Variants in LRRC56 observed in about 807,000 individuals in gnomAD.
LRRC56 encodes leucine rich repeat containing 56.
A neutral mutation model predicts 47.8 loss-of-function variants in LRRC56; 41 were observed. The observed-to-expected ratio is 0.86, with a 90% confidence interval of 0.67 to 1.11. LRRC56 has a LOEUF of 1.11. LRRC56 is among the 50% of genes most tolerant of loss of function. LRRC56 has a pLI of 0.00. For synonymous variants in LRRC56, 387 were observed against 311.2 expected (o/e 1.24, Z -2.56); for missense variants, 759 against 704.2 (o/e 1.08, Z -0.88).
At chr11:544,927 T>G in intron 6 of LRRC56, 147 bp downstream of exon 6, 12 of 804,914 alleles carry the variant, frequency 1.5e-5, no homozygotes, top group East Asian at 5.4e-5. Context: ...TCCATCCTGC[T>G]GGCTGCCTGA....
At chr11:511,341 A>C in the LRRC56 span, among the ~76,000 whole-genome samples, 1 of 150,486 alleles carries the variant, frequency 6.6e-6, no homozygotes, top group Non-Finnish European at 1.5e-5. Flanking sequence ...AAAAAAAGAA[A>C]TGGGAAAACA....
chr11:525,433 G>A, the LRRC56 span, among the ~76,000 whole-genome samples: 6 of 152,082 alleles, frequency 3.9e-5, no homozygotes, highest in Non-Finnish European at 8.8e-5. Flanking sequence ...CAGCTACTCG[G>A]GAGGCTGAGG....
At position 554,188 on chromosome 11, in the gene LRRC56, G is replaced by A; in HGVS notation, c.1541G>A (p.Gly514Glu). Residue 514 changes from glycine to glutamate, a missense_variant, in exon 14 of 14, where the codon GGA becomes GAA. Gly to Glu is a moderately conservative substitution (Grantham distance 98). Transcript: ENST00000270115. ...VASRLSPRAQ[G>E]CPGPKPAPDA... ...TCACGCCTGAGCCCTCGAGCCCAGG[G>A]ATGTCCTGGCCCAAAGCCAGCACCA... The A allele has an allele frequency of 6.4e-7, 1 of 1,567,584 alleles. No individual in the cohort carries two copies. Among genetic ancestry groups the A allele is most frequent in the East Asian group, 2.3e-5 (1 of 44,136 alleles).
In LRRC56 at chr11:552,188, C is replaced by T. The variant is rs1388181610; in HGVS notation, c.1137C>T (p.Phe379=). 6.2e-7 allele frequency: 1 copy of T among 1,612,628 alleles called. No individual in the cohort carries two copies. Among genetic ancestry groups the T allele is most frequent in the South Asian group, 1.1e-5 (1 of 91,084 alleles). The stretch of plus-strand genomic sequence containing the variant: ...CTGACCCTGCAGACAGCTCTGACTT[C>T]CTGGCCTTGGCTGGGCTCAGGGCCT... ...PEPDPADSSD[F]LALAGLRAWR... The change falls in exon 12 of 14, where the codon TTC becomes TTT. Residue 379 remains phenylalanine (F), a synonymous_variant. Coordinates refer to ENST00000270115, the MANE Select transcript of LRRC56 (RefSeq NM_198075.4).
the LRRC56 span, among the ~76,000 whole-genome samples, chr11:518,044 A>C: frequency 6.6e-6 from 1 of 152,092 alleles, no homozygotes; most frequent in Non-Finnish European, 1.5e-5. Context: ...GGCCGCAGGG[A>C]CCTCTGCCTA....
chr11:535,461 C>G (rs889495169), upstream of LRRC56: 1 of 147,204 alleles, frequency 6.8e-6, no homozygotes, highest in Non-Finnish European at 1.5e-5. Flanking sequence ...GGGGCCGAGG[C>G]CGGGGCGGGG....
intron 5 of LRRC56, among the ~76,000 whole-genome samples, chr11:542,642 C>T (rs952617856): frequency 1.3e-4 from 19 of 147,646 alleles, no homozygotes; most frequent in African/African-American, 4.7e-4. Context: ...CCTTCTCTTT[C>T]GCCGTGTTCA....
the LRRC56 span, chr11:532,511 C>G: frequency 7.5e-7 from 1 of 1,339,932 alleles, no homozygotes; most frequent in Non-Finnish European, 1.0e-6. Context: ...ACCTCCATGT[C>G]CTGAGCTTGT....
chr11:528,764 C>T, the LRRC56 span: 2,370 of 153,416 alleles, frequency 0.015, 27 homozygotes, highest in Admixed American at 0.024. Flanking sequence ...CACCCACATA[C>T]ACGTGCACAC....
the LRRC56 span, among the ~76,000 whole-genome samples, chr11:509,586 C>T: frequency 4.6e-5 from 7 of 152,090 alleles, no homozygotes; most frequent in East Asian, 3.9e-4. Context: ...CTCGCTCTGT[C>T]GCCCAGGCTG....
intron 8 of LRRC56, among the ~76,000 whole-genome samples, chr11:550,790 G>A (rs1376912941): frequency 2.0e-5 from 3 of 152,128 alleles, no homozygotes; most frequent in African/African-American, 4.8e-5. Context: ...GCTTGGTGCT[G>A]CCACATGCTG....
In LRRC56 at chr11:554,614, G is replaced by A; in HGVS notation, c.*338G>A. 1 of 404,430 alleles carries A rather than the reference G, an allele frequency of 2.5e-6. No homozygotes were observed. Among genetic ancestry groups the A allele is most frequent in the Non-Finnish European group, 4.4e-6 (1 of 226,538 alleles). The allele number at this position is 404,430 out of a possible 1,614,324, so 25.1% of individuals were successfully genotyped here. A position where few individuals can be genotyped will look rare whatever the true frequency, so the allele number is the denominator to read the frequency against. ...GCCTCTCCTGCTAGAATTGGGCATG[G>A]CCGAGGGGCAGGGGCTGGAGCTGCG... On this transcript the variant is annotated 3_prime_UTR_variant, in exon 14 of 14. Coordinates refer to ENST00000270115, the MANE Select transcript of LRRC56 (RefSeq NM_198075.4).
chr11:552,675 C>T lies in LRRC56; in HGVS notation c.1288C>T (p.Pro430Ser), dbSNP rs761284228. ...AGTGCACCAGGCAGAGCCCAAGACT[C>T]CCTCCAGCCCCCCAAGCCTGGCCTC... ...EQVHQAEPKT[P>S]SSPPSLASEP... Residue 430 changes from proline to serine, a missense_variant, in exon 13 of 14, where the codon CCC (proline) becomes TCC (serine). Transcript: ENST00000270115. 2.6e-5 allele frequency: 42 copies of T among 1,609,398 alleles called. No homozygotes were observed. Among genetic ancestry groups the T allele is most frequent in the Non-Finnish European group, 3.3e-5 (39 of 1,178,156 alleles).
chr11:521,538 G>C, the LRRC56 span, among the ~76,000 whole-genome samples: 1 of 152,138 alleles, frequency 6.6e-6, no homozygotes, highest in African/African-American at 2.4e-5. Flanking sequence ...TGAACTCCTA[G>C]CTCAAGCAAC....
chr11:534,331 AGGGGCCTGCGGCCCG>A (rs746959922), upstream of LRRC56: 1 of 1,608,740 alleles, frequency 6.2e-7, no homozygotes, highest in Admixed American at 1.7e-5. Flanking sequence ...ATCGCTCCTC[AGGGGCCTGCGGCCCG>A]GGGTCCTCCT....
the LRRC56 span, among the ~76,000 whole-genome samples, chr11:512,617 C>G: frequency 1.3e-5 from 2 of 152,232 alleles, no homozygotes; most frequent in East Asian, 3.9e-4. Flanking sequence ...TACAAAGGCC[C>G]GGAGGTTTAA....
chr11:506,802 C>G, the LRRC56 span: 2 of 152,312 alleles, frequency 1.3e-5, no homozygotes, highest in Admixed American at 6.5e-5. Flanking sequence ...CACGTGAGGA[C>G]GAACCACGCA....
Position 551,889 on chromosome 11 carries a change from G to C in LRRC56, c.974-14G>C. 1 of 1,612,426 alleles carries C rather than the reference G, an allele frequency of 6.2e-7. No homozygotes were observed. Among genetic ancestry groups the C allele is most frequent in the Middle Eastern group, 1.7e-4 (1 of 6,058 alleles). On this transcript the variant is annotated splice_polypyrimidine_tract_variant and intron_variant, in intron 10 of 13. Coordinates refer to ENST00000270115, the MANE Select transcript of LRRC56 (RefSeq NM_198075.4). ...TCGGCCCCGAACCAGGCCCAGCCAT[G>C]CTGTCTCTTGCAGGTGCTGGCCAAG...
At chr11:544,572 TA>T in intron 5 of LRRC56, 147 bp from the exon 6 acceptor site, 1 of 795,090 alleles carries the variant, frequency 1.3e-6, no homozygotes, top group Non-Finnish European at 2.1e-6. Context: ...GGGTGCCACG[TA>T]ACCCCTCCTG....
Sources: gnomAD v4.1 joint callset for allele counts (sites outside exome capture counted in the v4.1 genomes callset) on GRCh38, gnomAD v4.1.1 for gene constraint, MANE v1.5 for transcripts, NCBI Gene and HGNC (gene_info 2026-07-23, HGNC 2026-07-21) for gene names.